SYT16: variants seen among roughly 807,000 people sequenced by gnomAD.
SYT16 encodes synaptotagmin 16.
SYT16 carries 42 observed loss-of-function variants against 61.4 expected under a neutral mutation model. That is an observed-to-expected ratio of 0.68 (90% CI 0.53 to 0.89). The LOEUF is 0.89. Ranked by LOEUF, SYT16 falls within the 40% of genes least tolerant of loss-of-function variation. SYT16 has a pLI of 0.00. For missense variants in SYT16, 804 were observed against 807.3 expected (o/e 1.00, Z 0.05); for synonymous variants, 314 against 302.3 (o/e 1.04, Z -0.40).
At chr14:61,919,564 G>C (rs1421228461) in intron 1 of SYT16, among the ~76,000 whole-genome samples, 1 of 152,200 alleles carries the variant, frequency 6.6e-6, no homozygotes, top group Non-Finnish European at 1.5e-5. Flanking sequence ...CATCTTCAAA[G>C]TCAGCAGTAG....
At chr14:61,943,625 C>CA (rs1186818871) in intron 1 of SYT16, among the ~76,000 whole-genome samples, 2 of 152,144 alleles carry the variant, frequency 1.3e-5, no homozygotes, top group Admixed American at 6.5e-5. Flanking sequence ...GAACTAGTGA[C>CA]AAAAACCACA....
At position 61,940,192 on chromosome 14, in the gene SYT16, T is replaced by A. The variant is rs1261014946; in HGVS notation, c.-324-29940T>A. Among the ~76,000 whole-genome samples, 3 of 152,248 alleles carry A rather than the reference T, an allele frequency of 2.0e-5. No individual in the cohort carries two copies. The East Asian group carries it at 5.8e-4, about 29-fold the overall frequency. On this transcript the variant is annotated intron_variant, in intron 1 of 7. Coordinates refer to ENST00000683842, the MANE Select transcript of SYT16 (RefSeq NM_001367656.1). ...TCCTTTTCACGGGGTTAGCACATAT[T>A]TTTGAATTCTTTAACCTCAGCTTTT...
intron 3 of SYT16, among the ~76,000 whole-genome samples, chr14:62,012,389 G>T (rs894991087): frequency 2.0e-5 from 3 of 152,178 alleles, no homozygotes; most frequent in African/African-American, 7.2e-5. Flanking sequence ...GGTCCCAGAG[G>T]CTACCTTGCC....
intron 1 of SYT16, among the ~76,000 whole-genome samples, chr14:61,886,999 C>G (rs1188631051): frequency 6.6e-6 from 1 of 151,022 alleles, no homozygotes; most frequent in African/African-American, 2.4e-5. Context: ...TCTTGCCTCC[C>G]TGAGAGCTGG....
chr14:62,096,970 C>T (rs1399344776), intron 7 of SYT16, among the ~76,000 whole-genome samples: 3 of 151,988 alleles, frequency 2.0e-5, no homozygotes, highest in Non-Finnish European at 4.4e-5. Flanking sequence ...ATTCCTTTCC[C>T]TTACCCTGTA....
rs1463299831 is a variant in SYT16, at chr14:62,111,063, G to T, written c.*10356G>T. Reference sequence around the variant, plus strand: ...GATTTCATAGCAATATTTTATTTGTGTTCACAGTGCAAGATAAATCTGACT... The same window carrying T: ...GATTTCATAGCAATATTTTATTTGTTTTCACAGTGCAAGATAAATCTGACT... On this transcript the variant is annotated 3_prime_UTR_variant, in exon 8 of 8. Transcript: ENST00000683842. The T allele has an allele frequency of 6.6e-6, 1 of 152,008 alleles. No homozygotes were observed. The highest frequency in any genetic ancestry group is 6.6e-5 in the Admixed American group (1 of 15,256). 9.4% of individuals were successfully genotyped at this position (152,008 alleles called of 1,614,324 possible). A position where few individuals can be genotyped will look rare whatever the true frequency, so the allele number is the denominator to read the frequency against.
chr14:61,814,366 A>C (rs937263704), intron 1 of SYT16, among the ~76,000 whole-genome samples: 30 of 152,336 alleles, frequency 2.0e-4, no homozygotes, highest in African/African-American at 6.7e-4. Flanking sequence ...ATTTGGCCTT[A>C]TTGTGTTATT....
chr14:61,914,181 C>A (rs1182159417), intron 1 of SYT16, among the ~76,000 whole-genome samples: 1 of 152,098 alleles, frequency 6.6e-6, no homozygotes, highest in Non-Finnish European at 1.5e-5. Context: ...CACTTTGGAG[C>A]TGGAGAAGCT....
intron 3 of SYT16, among the ~76,000 whole-genome samples, chr14:62,016,087 C>A (rs181918122): frequency 6.6e-6 from 1 of 152,266 alleles, no homozygotes; most frequent in African/African-American, 2.4e-5. Context: ...AATAGTGAAA[C>A]CATTTACAGT....
Position 62,084,311 on chromosome 14 carries a change from C to G in SYT16, c.1550C>G (p.Ala517Gly), listed in dbSNP as rs951013391. Residue 517 changes from alanine (A) to glycine (G), a missense_variant, in exon 7 of 8, where the codon GCC becomes GGC. Coordinates refer to ENST00000683842, the MANE Select transcript of SYT16 (RefSeq NM_001367656.1). ...CTGTTGGTGGGGCTCTCGTACAATG[C>G]CACAACGGGGCGATTATCTGTGGAA... ...PELLVGLSYN[A>G]TTGRLSVEMI... 3.7e-6 allele frequency: 6 copies of G among 1,613,224 alleles called. No individual in the cohort carries two copies. The African/African-American group carries it at 6.7e-5, about 18-fold the overall frequency.
At chr14:61,952,425 C>A (rs2050709523) in intron 1 of SYT16, among the ~76,000 whole-genome samples, 1 of 152,156 alleles carries the variant, frequency 6.6e-6, no homozygotes, top group African/African-American at 2.4e-5. Context: ...GCATCTCAAC[C>A]ATTTTCATCA....
intron 1 of SYT16, among the ~76,000 whole-genome samples, chr14:61,826,917 C>T (rs947166489): frequency 5.3e-5 from 8 of 151,896 alleles, no homozygotes; most frequent in East Asian, 1.9e-4. Context: ...ACCTTCTTTC[C>T]GTGTCCTTAC....
chr14:61,900,078 G>A (rs1294256576), intron 1 of SYT16, among the ~76,000 whole-genome samples: 6 of 151,996 alleles, frequency 3.9e-5, no homozygotes, highest in Admixed American at 2.0e-4. Flanking sequence ...AGAAGAAAGA[G>A]CTGGTTCCAA....
chr14:61,980,899 G>A (rs886880463), intron 2 of SYT16, among the ~76,000 whole-genome samples: 1 of 152,114 alleles, frequency 6.6e-6, no homozygotes, highest in Non-Finnish European at 1.5e-5. Flanking sequence ...TGGCTATAGG[G>A]AGCTCTATTA....
At chr14:61,881,134 A>G (rs2047683381) in intron 1 of SYT16, among the ~76,000 whole-genome samples, 1 of 152,154 alleles carries the variant, frequency 6.6e-6, no homozygotes, top group Non-Finnish European at 1.5e-5. Flanking sequence ...TTCTGGTCTT[A>G]TTGACTTGGC....
chr14:62,077,855 A>G (rs973062345), intron 5 of SYT16, among the ~76,000 whole-genome samples: 4 of 152,210 alleles, frequency 2.6e-5, no homozygotes, highest in African/African-American at 7.2e-5. Context: ...TTCTTAGGAC[A>G]GTCAGGAGCT....
intron 1 of SYT16, among the ~76,000 whole-genome samples, chr14:61,891,240 G>GCACA (rs1555353023): frequency 8.2e-5 from 7 of 85,758 alleles, no homozygotes; most frequent in African/African-American, 3.8e-4. Context: ...ATACACACAC[G>GCACA]CGCACACACA....
At chr14:61,923,767 G>GT (rs576219808) in intron 1 of SYT16, among the ~76,000 whole-genome samples, 3 of 151,704 alleles carry the variant, frequency 2.0e-5, no homozygotes, top group Non-Finnish European at 4.4e-5. Context: ...CTAGTATTTG[G>GT]TTTTTTAAAA....
At chr14:61,963,385 A>T (rs1019357854) in intron 1 of SYT16, among the ~76,000 whole-genome samples, 3 of 152,204 alleles carry the variant, frequency 2.0e-5, no homozygotes, top group Non-Finnish European at 4.4e-5. Context: ...CACAAATGAT[A>T]AGGAAGCAAA....
Sources: gnomAD v4.1 joint callset for allele counts (sites outside exome capture counted in the v4.1 genomes callset) on GRCh38, gnomAD v4.1.1 for gene constraint, MANE v1.5 for transcripts, NCBI Gene and HGNC (gene_info 2026-07-23, HGNC 2026-07-21) for gene names.